The following PEPD variants were observed in gnomAD, a reference collection of about 807,000 sequenced individuals.
PEPD encodes xaa-Pro dipeptidase.
Under a neutral mutation model 60.7 loss-of-function variants are expected in PEPD, and 53 were observed. The ratio of observed to expected loss-of-function variants is 0.87; its 90% CI spans 0.70 to 1.10. The LOEUF is 1.10. PEPD is among the 50% of genes least tolerant of loss of function. PEPD has a pLI of 0.00. For missense variants in PEPD, 711 were observed against 711.9 expected (o/e 1.00, Z 0.01); for synonymous variants, 267 against 284.1 (o/e 0.94, Z 0.60).
Position 33,411,686 on chromosome 19 carries a change from C to T in PEPD, c.804G>A (p.Gln268=). The T allele has an allele frequency of 6.2e-7, 1 of 1,605,588 alleles. No individual in the cohort carries two copies. Among genetic ancestry groups the T allele is most frequent in the Non-Finnish European group, 8.5e-7 (1 of 1,172,556 alleles). The change falls in exon 11 of 15, where the codon CAG becomes CAA. Residue 268 remains glutamine, a synonymous_variant. Coordinates refer to ENST00000244137, the MANE Select transcript of PEPD (RefSeq NM_000285.4). ...HAGAPNDRTI[Q]NGDMCLFDMG... The stretch of plus-strand genomic sequence containing the variant: ...GCCCTACTTACCACATATCCCCATT[C>T]TGGATCGTTCGGTCGTTGGGAGCTC...
intron 9 of PEPD, among the ~76,000 whole-genome samples, chr19:33,453,317 A>AAATAAATAAATAAATAAAT (rs1555762505): frequency 1.3e-5 from 2 of 148,754 alleles, no homozygotes; most frequent in African/African-American, 5.0e-5. Context: ...CTGTCATAAA[A>AAATAAATAAATAAATAAAT]AAATAAATAA....
intron 9 of PEPD, among the ~76,000 whole-genome samples, chr19:33,439,503 G>T (rs200255068): frequency 2.0e-5 from 3 of 152,248 alleles, no homozygotes; most frequent in African/African-American, 7.2e-5. Flanking sequence ...CTGGCCTCTG[G>T]TGTGGGCTGG....
intron 3 of PEPD, among the ~76,000 whole-genome samples, chr19:33,509,962 G>A (rs1392128046): frequency 6.6e-6 from 1 of 152,248 alleles, no homozygotes; most frequent in African/African-American, 2.4e-5. Context: ...TGCGTCCAGA[G>A]GAAGGCAGCA....
chr19:33,490,066 A>T lies in PEPD; in HGVS notation c.442-9T>A. 4 of 1,608,086 alleles carry T rather than the reference A, an allele frequency of 2.5e-6. No homozygotes were observed. The highest frequency in any genetic ancestry group is 3.4e-6 in the Non-Finnish European group (4 of 1,175,230). Reference sequence around the variant, plus strand: ...TCCGTGTTGACGCCACGCTGGGGAGAGAGAACACAGACATGACACACGGGG... The same window carrying T: ...TCCGTGTTGACGCCACGCTGGGGAGTGAGAACACAGACATGACACACGGGG... On this transcript the variant is annotated splice_polypyrimidine_tract_variant and intron_variant, in intron 5 of 14. Coordinates refer to ENST00000244137, the MANE Select transcript of PEPD (RefSeq NM_000285.4).
intron 1 of PEPD, among the ~76,000 whole-genome samples, chr19:33,513,035 A>G (rs1253407564): frequency 7.0e-6 from 1 of 143,418 alleles, no homozygotes; most frequent in African/African-American, 2.6e-5. Flanking sequence ...CCCCCAACCA[A>G]CTGCACAGCA....
At chr19:33,474,181 C>A (rs909650872) in intron 7 of PEPD, among the ~76,000 whole-genome samples, 7 of 152,290 alleles carry the variant, frequency 4.6e-5, no homozygotes, top group Middle Eastern at 6.8e-3. Flanking sequence ...TTCAGTGGGA[C>A]CAGCAGTGAG....
chr19:33,492,113 A>AT (rs760108778), intron 5 of PEPD, among the ~76,000 whole-genome samples: 1 of 151,632 alleles, frequency 6.6e-6, no homozygotes, highest in South Asian at 2.1e-4. Flanking sequence ...CATGCCTCTT[A>AT]TATGAAACTC....
chr19:33,404,887 C>T (rs547053308), intron 11 of PEPD, among the ~76,000 whole-genome samples: 10 of 152,284 alleles, frequency 6.6e-5, no homozygotes, highest in South Asian at 4.1e-4. Context: ...AATCCAGGGA[C>T]GAAAGCCATG....
intron 12 of PEPD, among the ~76,000 whole-genome samples, chr19:33,399,092 G>T (rs961859945): frequency 6.6e-6 from 1 of 152,084 alleles, no homozygotes; most frequent in Admixed American, 6.5e-5. Context: ...CAAGCGATTC[G>T]ATTCTCGTGC....
chr19:33,514,626 C>T (rs181178415), intron 1 of PEPD, among the ~76,000 whole-genome samples: 261 of 151,996 alleles, frequency 1.7e-3, no homozygotes, highest in African/African-American at 6.0e-3. Flanking sequence ...TGTCTCCAGG[C>T]GCACTGAGCC....
intron 9 of PEPD, among the ~76,000 whole-genome samples, chr19:33,436,263 AGAG>A (rs1454907910): frequency 4.6e-5 from 7 of 151,938 alleles, no homozygotes; most frequent in South Asian, 2.1e-4. Flanking sequence ...AGCAGGAAGA[AGAG>A]GAGGAGTGAG....
At chr19:33,459,831 C>T (rs1181362728) in intron 9 of PEPD, among the ~76,000 whole-genome samples, 5 of 152,168 alleles carry the variant, frequency 3.3e-5, no homozygotes, top group East Asian at 1.9e-4. Context: ...ACTCCTGCCC[C>T]GAGTCCTGAA....
At chr19:33,467,819 C>T (rs1568486576) in intron 7 of PEPD, among the ~76,000 whole-genome samples, 1 of 152,146 alleles carries the variant, frequency 6.6e-6, no homozygotes, top group Non-Finnish European at 1.5e-5. Context: ...TTTGATAGCA[C>T]TTTAAAAACC....
intron 9 of PEPD, among the ~76,000 whole-genome samples, chr19:33,440,233 T>C (rs1384380072): frequency 6.6e-6 from 1 of 152,046 alleles, no homozygotes; most frequent in Admixed American, 6.6e-5. Context: ...CCTCACTCAA[T>C]AGCAGCTCCA....
chr19:33,475,834 T>G (rs756357052), intron 7 of PEPD, among the ~76,000 whole-genome samples: 5 of 152,188 alleles, frequency 3.3e-5, no homozygotes, highest in Non-Finnish European at 5.9e-5. Context: ...TATGAATCAT[T>G]TGCCTTTTAC....
In PEPD at chr19:33,459,913, G is replaced by A. The variant is rs576596965; in HGVS notation, c.671+3082C>T. On this transcript the variant is annotated intron_variant, in intron 9 of 14. Coordinates refer to ENST00000244137, the MANE Select transcript of PEPD (RefSeq NM_000285.4). ...AAGCCAGCCAGGCCCCCAGCAGAAAGTCCAGCAGGTCTTAAGGATGCCCAC... is the reference window on the plus strand; with the variant it reads ...AAGCCAGCCAGGCCCCCAGCAGAAAATCCAGCAGGTCTTAAGGATGCCCAC... 2.0e-5 allele frequency among the ~76,000 whole-genome samples: 3 copies of A among 152,286 alleles called. No individual in the cohort carries two copies. In the South Asian group the frequency reaches 6.2e-4, roughly 32 times the overall value.
At chr19:33,420,986 G>A (rs1033238140) in intron 9 of PEPD, among the ~76,000 whole-genome samples, 1 of 152,126 alleles carries the variant, frequency 6.6e-6, no homozygotes, top group African/African-American at 2.4e-5. Flanking sequence ...GGCTGCTTCC[G>A]CTGCCACAAT....
chr19:33,509,261 C>T (rs1393703049), intron 3 of PEPD, among the ~76,000 whole-genome samples: 4 of 152,228 alleles, frequency 2.6e-5, no homozygotes, highest in Non-Finnish European at 4.4e-5. Context: ...GCAGTTGGCC[C>T]GGGTGTGTCC....
intron 9 of PEPD, among the ~76,000 whole-genome samples, chr19:33,456,560 C>T (rs1274752338): frequency 6.6e-6 from 1 of 152,188 alleles, no homozygotes; most frequent in Admixed American, 6.5e-5. Flanking sequence ...CCAGCCCAGA[C>T]CTGTGTCTGA....
Sources: gnomAD v4.1 joint callset for allele counts (sites outside exome capture counted in the v4.1 genomes callset) on GRCh38, gnomAD v4.1.1 for gene constraint, MANE v1.5 for transcripts, NCBI Gene and HGNC (gene_info 2026-07-23, HGNC 2026-07-21) for gene names.